The following COL18A1 variants were observed in gnomAD, a reference collection of about 807,000 sequenced individuals.
COL18A1 encodes collagen alpha-1(XVIII) chain.
A neutral mutation model predicts 168.0 loss-of-function variants in COL18A1; 133 were observed. The observed-to-expected ratio is 0.79, with a 90% CI of 0.69 to 0.91. The LOEUF is 0.91. Ranked by LOEUF, COL18A1 falls within the 40% of genes least tolerant of loss-of-function variation. The probability of loss-of-function intolerance (pLI) is 0.00; values close to 1 mark genes in which losing one functional copy is unlikely to be tolerated. For synonymous variants in COL18A1, 949 were observed against 809.0 expected, an observed-to-expected ratio of 1.17 and a Z score of -2.94; for missense variants, 2,126 against 1,925.4, an observed-to-expected ratio of 1.10 and a Z score of -1.95.
Position 45,468,501 on chromosome 21 carries a change from C to T in COL18A1, c.366C>T (p.Gly122=), listed in dbSNP as rs757344530. ...TDSAQAMVLL[G]VKLSGVQDGH... ...CGGCGCAGGCCATGGTCTTGCTGGG[C>T]GTGAAGCTCTCTGGGGTGCAGGACG... Residue 122 remains glycine, a synonymous_variant, in exon 3 of 42, where the codon GGC becomes GGT. Transcript: ENST00000651438. The T allele has an allele frequency of 1.5e-5, 24 of 1,613,872 alleles. No homozygotes were observed. The highest frequency in any genetic ancestry group is 1.7e-5 in the Non-Finnish European group (20 of 1,180,004).
intron 2 of COL18A1, among the ~76,000 whole-genome samples, chr21:45,452,933 G>GC (rs2034671122): frequency 6.6e-6 from 1 of 151,910 alleles, no homozygotes; most frequent in African/African-American, 2.4e-5. Context: ...ATTCACATGT[G>GC]ACATGTGAGC....
At position 45,437,248 on chromosome 21, in the gene COL18A1, ACACACACACT is replaced by A. The variant is rs1226936899; in HGVS notation, c.107-30986_107-30977del. Among the ~76,000 whole-genome samples, 36 of 54,124 alleles carry A rather than the reference ACACACACACT, an allele frequency of 6.7e-4. 1 individual carries two copies. Among genetic ancestry groups the A allele is most frequent in the Admixed American group, 3.1e-3 (17 of 5,564 alleles). 35.5% of individuals were successfully genotyped at this position (54,124 alleles called of 152,430 possible). ...CAGACACACAGGCACTCTCCTGTAC[ACACACACACT>A]CACACACTCAGACACACAGGCACTC... On this transcript the variant is annotated intron_variant, in intron 2 of 41. Coordinates refer to ENST00000651438, the MANE Select transcript of COL18A1 (RefSeq NM_001379500.1).
In COL18A1 at chr21:45,509,475, C is replaced by T. The variant is rs773518131; in HGVS notation, c.3369C>T (p.Ala1123=). 321 of 1,528,812 alleles carry T rather than the reference C, an allele frequency of 2.1e-4. 2 individuals carry two copies. The highest frequency in any genetic ancestry group is 5.5e-5 in the Non-Finnish European group (62 of 1,136,824). The allele number at this position is 1,528,812 out of a possible 1,614,324, so 94.7% of individuals were successfully genotyped here. A position where few individuals can be genotyped will look rare whatever the true frequency, so the allele number is the denominator to read the frequency against. ...ARPWRADDIL[A]SPPRLPEPQP... ...CCTGGCGGGCAGATGACATCCTGGC[C>T]AGCCCCCCTCGCCTGCCCGAGCCCC... The change falls in exon 39 of 42, where the codon GCC becomes GCT. Residue 1123 remains alanine (A), a synonymous_variant. Transcript: ENST00000651438.
At chr21:45,500,430 T>G in intron 32 of COL18A1, among the ~76,000 whole-genome samples, 3 of 88,672 alleles carry the variant, frequency 3.4e-5, no homozygotes, top group African/African-American at 9.2e-5. Flanking sequence ...GTGGGGTGTG[T>G]GTGGAGTGTG....
intron 40 of COL18A1, among the ~76,000 whole-genome samples, chr21:45,510,508 C>T (rs9306131): frequency 0.58 from 87,804 of 151,822 alleles, 25,614 homozygotes; most frequent in African/African-American, 0.66. Context: ...CCGTGGCCCC[C>T]TGACCCCCCG....
rs148129721 is a variant in COL18A1, at chr21:45,434,816, A to G, written c.106+29343A>G. Among the ~76,000 whole-genome samples, 4 of 152,314 alleles carry G rather than the reference A, an allele frequency of 2.6e-5. 1 individual carries two copies. The East Asian group carries it at 7.7e-4, about 29-fold the overall frequency. ...GCCCCCAGAGCCGGGCTTCCCGGAA[A>G]GGGGCATCGCTTCTCTCTTTTGGGC... On this transcript the variant is annotated intron_variant, in intron 2 of 41. Transcript: ENST00000651438.
At chr21:45,470,491 T>G (rs147870485) in intron 3 of COL18A1, among the ~76,000 whole-genome samples, 4 of 117,094 alleles carry the variant, frequency 3.4e-5, no homozygotes, top group African/African-American at 6.2e-5. Flanking sequence ...GTTTTTTTTT[T>G]GTTTTTTTTT....
intron 2 of COL18A1, among the ~76,000 whole-genome samples, chr21:45,405,967 C>T (rs927307806): frequency 5.9e-5 from 9 of 152,092 alleles, no homozygotes; most frequent in African/African-American, 2.2e-4. Flanking sequence ...GCCCTCAGGC[C>T]TCTGTCCCCG....
intron 3 of COL18A1, among the ~76,000 whole-genome samples, chr21:45,470,037 A>G (rs1419557934): frequency 6.6e-6 from 1 of 152,266 alleles, no homozygotes; most frequent in Non-Finnish European, 1.5e-5. Context: ...CAAGTGCCGT[A>G]CATCTTTAAC....
Position 45,505,438 on chromosome 21 carries a change from G to A in COL18A1, c.3087+7G>A. ...CATGGGCGCCTCCTCAGGGGTAAGT[G>A]TCTGGGCAGCCGGCTGGGCACCTGC... On this transcript the variant is annotated splice_region_variant and intron_variant, in intron 36 of 41. Transcript: ENST00000651438. 6.6e-7 allele frequency: 1 copy of A among 1,511,694 alleles called. No homozygotes were observed. Among genetic ancestry groups the A allele is most frequent in the South Asian group, 1.2e-5 (1 of 86,242 alleles). 93.6% of individuals were successfully genotyped at this position (1,511,694 alleles called of 1,614,324 possible). A position where few individuals can be genotyped will look rare whatever the true frequency, so the allele number is the denominator to read the frequency against.
Position 45,509,572 on chromosome 21 carries a change from G to A in COL18A1, c.3466G>A (p.Ala1156Thr), listed in dbSNP as rs754037826. The A allele has an allele frequency of 3.6e-5, 54 of 1,521,116 alleles. No individual in the cohort carries two copies. The highest frequency in any genetic ancestry group is 2.7e-4 in the South Asian group (23 of 83,868). The allele number at this position is 1,521,116 out of a possible 1,614,324, so 94.2% of individuals were successfully genotyped here. The change falls in exon 39 of 42, where the codon GCC becomes ACC. Residue 1156 changes from alanine (A) to threonine (T), a missense_variant. Ala to Thr is a moderately conservative substitution (Grantham distance 58). Coordinates refer to ENST00000651438, the MANE Select transcript of COL18A1 (RefSeq NM_001379500.1). Reference sequence around the variant, plus strand: ...GCCGGCGCGACCCACAAGCCCACCCGCCCACAGCCACCGCGACTTCCAGCC... The same window carrying A: ...GCCGGCGCGACCCACAAGCCCACCCACCCACAGCCACCGCGACTTCCAGCC... ...LRPARPTSPP[A>T]HSHRDFQPVL...
chr21:45,447,367 T>C (rs1489016399), intron 2 of COL18A1, among the ~76,000 whole-genome samples: 1 of 152,114 alleles, frequency 6.6e-6, no homozygotes, highest in Non-Finnish European at 1.5e-5. Flanking sequence ...GGTTGCAGGG[T>C]ATAAAATCAG....
intron 2 of COL18A1, chr21:45,408,665 G>A (rs1322880568): frequency 6.6e-6 from 1 of 152,300 alleles, no homozygotes; most frequent in East Asian, 1.9e-4. Flanking sequence ...CCCGCTGATT[G>A]TGTGGGGGCA....
chr21:45,482,259 G>T (rs143416377), intron 14 of COL18A1: 1 of 631,376 alleles, frequency 1.6e-6, no homozygotes, highest in African/African-American at 1.8e-5. Context: ...TAAGAACATG[G>T]GCACCCTGCG....
At chr21:45,474,445 C>CTCTGTT (rs1568899291) in intron 4 of COL18A1, among the ~76,000 whole-genome samples, 1 of 143,076 alleles carries the variant, frequency 7.0e-6, no homozygotes, top group Non-Finnish European at 1.5e-5. Flanking sequence ...TGGTGTGTCT[C>CTCTGTT]TGTGTGTAGT....
chr21:45,411,778 A>AGGGGGGGG (rs1569273645), intron 2 of COL18A1, among the ~76,000 whole-genome samples: 12 of 108,316 alleles, frequency 1.1e-4, no homozygotes, highest in Admixed American at 4.2e-4. Context: ...GGGGGGGGGC[A>AGGGGGGGG]GGCTGTGGTC....
At chr21:45,453,018 A>G (rs1305131998) in intron 2 of COL18A1, among the ~76,000 whole-genome samples, 1 of 149,156 alleles carries the variant, frequency 6.7e-6, no homozygotes, top group Non-Finnish European at 1.5e-5. Flanking sequence ...TATGTGTGTG[A>G]TTGCGAGTAT....
chr21:45,456,460 C>G, intron 2 of COL18A1: 2 of 1,545,224 alleles, frequency 1.3e-6, no homozygotes, highest in Non-Finnish European at 1.8e-6. Context: ...ACGTGGCTAA[C>G]TCTGTGGGGC....
chr21:45,495,220 T>C (rs2036489122), intron 28 of COL18A1, 138 bp from the exon 29 acceptor site: 2 of 752,744 alleles, frequency 2.7e-6, no homozygotes, highest in Non-Finnish European at 4.6e-6. Flanking sequence ...AGGGCCGGGG[T>C]AGCCTGAGAG....
Sources: allele counts gnomAD v4.1 joint callset (sites outside exome capture counted in the v4.1 genomes callset), GRCh38; gene constraint gnomAD v4.1.1; transcripts MANE v1.5; gene names NCBI Gene and HGNC (gene_info 2026-07-23, HGNC 2026-07-21).